Variants in PCDH9 observed in about 807,000 individuals in gnomAD.
PCDH9 encodes protocadherin-9.
A neutral mutation model predicts 70.6 loss-of-function variants in PCDH9; 24 were observed. The ratio of observed to expected loss-of-function variants is 0.34; its 90% CI spans 0.25 to 0.48. The LOEUF is 0.48. PCDH9 is among the 20% of genes least tolerant of loss of function. The pLI, the probability that PCDH9 is intolerant of heterozygous loss-of-function variation, is 0.99. For missense variants in PCDH9, 1,281 were observed against 1,503.6 expected, an observed-to-expected ratio of 0.85 and a Z score of 2.45; for synonymous variants, 562 against 558.5, an observed-to-expected ratio of 1.01 and a Z score of -0.09.
chr13:66,637,598 T>C (rs1367764626), intron 3 of PCDH9, among the ~76,000 whole-genome samples: 1 of 152,190 alleles, frequency 6.6e-6, no homozygotes. Context: ...ACATCCTTTT[T>C]TGAGTGGGAA....
At chr13:66,853,697 C>T (rs1421181613) in intron 3 of PCDH9, among the ~76,000 whole-genome samples, 1 of 151,860 alleles carries the variant, frequency 6.6e-6, no homozygotes, top group African/African-American at 2.4e-5. Context: ...CCAAAAGACT[C>T]ACTTACAAAT....
At chr13:66,790,368 A>G (rs1159451146) in intron 3 of PCDH9, among the ~76,000 whole-genome samples, 1 of 152,086 alleles carries the variant, frequency 6.6e-6, no homozygotes, top group Non-Finnish European at 1.5e-5. Context: ...AGTTGCAAAT[A>G]TCTTCTAGCT....
chr13:66,549,787 A>G (rs1961397800), intron 4 of PCDH9, among the ~76,000 whole-genome samples: 2 of 152,120 alleles, frequency 1.3e-5, no homozygotes, highest in Admixed American at 6.6e-5. Flanking sequence ...TGGGAGGCCA[A>G]TGCTGGAGGA....
At chr13:67,104,457 G>A (rs1030132593) in intron 2 of PCDH9, among the ~76,000 whole-genome samples, 3 of 152,058 alleles carry the variant, frequency 2.0e-5, no homozygotes, top group Admixed American at 1.3e-4. Context: ...AGGTTTCAAC[G>A]TGTGGCTATA....
Position 66,924,342 on chromosome 13 carries a change from T to A in PCDH9, c.3037-20737A>T, listed in dbSNP as rs1240147963. On this transcript the variant is annotated intron_variant, in intron 2 of 4. Transcript: ENST00000377865. The stretch of plus-strand genomic sequence containing the variant: ...AAAATATTTTAAAATATTCCTATTT[T>A]AAAGTATTCTTCCTACCACGTTATT... Among the ~76,000 whole-genome samples, 4 of 151,984 alleles carry A rather than the reference T, an allele frequency of 2.6e-5. No homozygotes were observed. In the East Asian group the frequency reaches 7.7e-4, roughly 29 times the overall value.
At chr13:66,651,073 T>A (rs2077844575) in intron 3 of PCDH9, among the ~76,000 whole-genome samples, 1 of 150,700 alleles carries the variant, frequency 6.6e-6, no homozygotes, top group African/African-American at 2.4e-5. Flanking sequence ...AGTGCCTACA[T>A]CAAAAAAGCA....
intron 3 of PCDH9, among the ~76,000 whole-genome samples, chr13:66,680,678 T>C: frequency 6.6e-6 from 1 of 151,936 alleles, no homozygotes; most frequent in East Asian, 1.9e-4. Context: ...GTTCTGTAGC[T>C]TTATAAATGA....
At chr13:67,066,488 C>T (rs1240037428) in intron 2 of PCDH9, among the ~76,000 whole-genome samples, 1 of 152,186 alleles carries the variant, frequency 6.6e-6, no homozygotes, top group African/African-American at 2.4e-5. Context: ...CCCGCCTCAG[C>T]CTCCCAAAGT....
chr13:66,362,969 T>G (rs1956496267), intron 4 of PCDH9, among the ~76,000 whole-genome samples: 1 of 152,052 alleles, frequency 6.6e-6, no homozygotes, highest in Admixed American at 6.6e-5. Flanking sequence ...TCACTTGAGG[T>G]CAGGTGTTCG....
At chr13:66,463,326 T>C (rs868408078) in intron 4 of PCDH9, among the ~76,000 whole-genome samples, 1 of 151,822 alleles carries the variant, frequency 6.6e-6, no homozygotes, top group Non-Finnish European at 1.5e-5. Flanking sequence ...GCATGTAGAA[T>C]TCCAAGTTGT....
chr13:66,583,919 ATGT>A (rs1165110442), intron 4 of PCDH9, among the ~76,000 whole-genome samples: 1 of 152,150 alleles, frequency 6.6e-6, no homozygotes, highest in African/African-American at 2.4e-5. Context: ...GGTTATACAG[ATGT>A]TGTGAGCTGA....
intron 4 of PCDH9, among the ~76,000 whole-genome samples, chr13:66,457,481 T>A (rs532150555): frequency 6.6e-6 from 1 of 151,988 alleles, no homozygotes; most frequent in Non-Finnish European, 1.5e-5. Context: ...AATAGAAAGG[T>A]TGTTCATCAA....
intron 4 of PCDH9, among the ~76,000 whole-genome samples, chr13:66,461,840 T>A (rs1356587469): frequency 2.0e-5 from 3 of 151,884 alleles, no homozygotes; most frequent in Non-Finnish European, 2.9e-5. Flanking sequence ...TTTTCTTTTG[T>A]TATTTAAAAA....
At chr13:66,441,465 G>C (rs566780069) in intron 4 of PCDH9, among the ~76,000 whole-genome samples, 74 of 152,274 alleles carry the variant, frequency 4.9e-4, no homozygotes, top group African/African-American at 1.8e-3. Flanking sequence ...TTTTTAGAAT[G>C]TGTGTGCAAA....
At chr13:67,205,474 T>A (rs2089316374) in intron 2 of PCDH9, 1 of 152,184 alleles carries the variant, frequency 6.6e-6, no homozygotes, top group African/African-American at 2.4e-5. Context: ...GTTCTCGCAA[T>A]AAAAATGCAA....
chr13:66,718,788 C>A (rs2078904142), intron 3 of PCDH9, among the ~76,000 whole-genome samples: 1 of 152,198 alleles, frequency 6.6e-6, no homozygotes, highest in Non-Finnish European at 1.5e-5. Flanking sequence ...GATGGAAGGT[C>A]TGAATTTAAG....
chr13:66,615,934 G>A (rs781560266), intron 4 of PCDH9, among the ~76,000 whole-genome samples: 2 of 152,192 alleles, frequency 1.3e-5, no homozygotes, highest in Non-Finnish European at 2.9e-5. Flanking sequence ...AGTGCAATAA[G>A]GATCCATTTT....
chr13:66,467,454 CG>C (rs1378607761), intron 4 of PCDH9, among the ~76,000 whole-genome samples: 1 of 151,968 alleles, frequency 6.6e-6, no homozygotes, highest in Non-Finnish European at 1.5e-5. Context: ...CTTTCTTTCT[CG>C]ACTTCATTCT....
At chr13:66,626,787 C>A (rs566713815) in intron 4 of PCDH9, among the ~76,000 whole-genome samples, 1 of 152,236 alleles carries the variant, frequency 6.6e-6, no homozygotes, top group East Asian at 1.9e-4. Flanking sequence ...GCTTAATTTG[C>A]AAACAATTTG....
Sources: gnomAD v4.1 joint callset for allele counts (sites outside exome capture counted in the v4.1 genomes callset) on GRCh38, gnomAD v4.1.1 for gene constraint, MANE v1.5 for transcripts, NCBI Gene and HGNC (gene_info 2026-07-23, HGNC 2026-07-21) for gene names.